Variants in BMPR1B observed in about 807,000 individuals in gnomAD.
BMPR1B encodes bone morphogenetic protein receptor type 1B, also known as bone morphogenetic protein receptor type-1B.
BMPR1B carries 12 observed loss-of-function variants against 59.1 expected under a neutral mutation model. The observed-to-expected ratio is 0.20, with a 90% CI of 0.13 to 0.33. The LOEUF (loss-of-function observed/expected upper bound fraction) is 0.33, where lower values mean the gene tolerates loss of function less well. BMPR1B is among the 10% of genes least tolerant of loss of function. The pLI is 1.00. For synonymous variants in BMPR1B, 237 were observed against 207.3 expected (o/e 1.14, Z -1.23); for missense variants, 550 against 610.9 (o/e 0.90, Z 1.05).
intron 1 of BMPR1B, among the ~76,000 whole-genome samples, chr4:94,835,974 T>G (rs1295453830): frequency 1.4e-5 from 2 of 143,080 alleles, no homozygotes; most frequent in African/African-American, 2.6e-5. Flanking sequence ...GTGATCTCAT[T>G]GTTCAATTCC....
intron 3 of BMPR1B, among the ~76,000 whole-genome samples, chr4:95,014,361 A>G (rs1190165784): frequency 6.6e-6 from 1 of 152,224 alleles, no homozygotes; most frequent in Admixed American, 6.5e-5. Flanking sequence ...AGACATTAAG[A>G]ATAATTAAGT....
chr4:95,016,648 T>C (rs562302477), intron 3 of BMPR1B, among the ~76,000 whole-genome samples: 1 of 152,296 alleles, frequency 6.6e-6, no homozygotes, highest in South Asian at 2.1e-4. Flanking sequence ...ATGGAAGGCT[T>C]TAACAAAGTA....
At chr4:94,924,106 A>G (rs1728799365) in intron 2 of BMPR1B, among the ~76,000 whole-genome samples, 1 of 152,100 alleles carries the variant, frequency 6.6e-6, no homozygotes, top group African/African-American at 2.4e-5. Flanking sequence ...TTTCCCTGCT[A>G]CTTGACACAT....
At chr4:94,850,715 G>A (rs893701046) in intron 1 of BMPR1B, among the ~76,000 whole-genome samples, 8 of 152,134 alleles carry the variant, frequency 5.3e-5, no homozygotes, top group African/African-American at 1.9e-4. Flanking sequence ...TACCGCTCTT[G>A]TCCAAGGCTG....
At chr4:94,768,986 A>G (rs1289959810) in intron 1 of BMPR1B, among the ~76,000 whole-genome samples, 1 of 152,124 alleles carries the variant, frequency 6.6e-6, no homozygotes, top group African/African-American at 2.4e-5. Flanking sequence ...GTTTTCATCA[A>G]CACCTTTCTA....
At chr4:94,955,091 C>T (rs1730091689) in intron 2 of BMPR1B, among the ~76,000 whole-genome samples, 1 of 152,122 alleles carries the variant, frequency 6.6e-6, no homozygotes, top group African/African-American at 2.4e-5. Context: ...ATTTCTATCT[C>T]TGTAGTTAAA....
At chr4:95,047,753 T>G (rs1274948742) in intron 3 of BMPR1B, among the ~76,000 whole-genome samples, 1 of 152,226 alleles carries the variant, frequency 6.6e-6, no homozygotes, top group Non-Finnish European at 1.5e-5. Context: ...ATTCTACCAT[T>G]GATTTACTTG....
At chr4:95,054,083 T>G (rs995410086) in intron 3 of BMPR1B, among the ~76,000 whole-genome samples, 14 of 152,202 alleles carry the variant, frequency 9.2e-5, no homozygotes, top group African/African-American at 3.4e-4. Flanking sequence ...ATATTTAAAA[T>G]AAATGTCTTT....
intron 6 of BMPR1B, among the ~76,000 whole-genome samples, chr4:95,117,239 CATTA>C (rs1267238455): frequency 1.3e-5 from 2 of 152,144 alleles, no homozygotes; most frequent in African/African-American, 4.8e-5. Context: ...CTAAAAAGTA[CATTA>C]ATTAATCCAT....
chr4:94,934,673 A>G (rs1729222154), intron 2 of BMPR1B, among the ~76,000 whole-genome samples: 2 of 152,190 alleles, frequency 1.3e-5, no homozygotes, highest in South Asian at 4.1e-4. Flanking sequence ...TCTGAGATCC[A>G]AAGTAGAGAA....
At chr4:94,773,461 A>G (rs535172486) in intron 1 of BMPR1B, among the ~76,000 whole-genome samples, 2 of 152,224 alleles carry the variant, frequency 1.3e-5, no homozygotes, top group South Asian at 4.1e-4. Context: ...ATAATTATAC[A>G]GAGTACCATT....
intron 2 of BMPR1B, among the ~76,000 whole-genome samples, chr4:94,931,478 T>C (rs929157828): frequency 2.0e-5 from 3 of 152,040 alleles, no homozygotes; most frequent in Non-Finnish European, 4.4e-5. Flanking sequence ...TCAGGGGTCA[T>C]AGGGAGCTTT....
chr4:95,025,314 AGTCAT>A (rs1724277451), intron 3 of BMPR1B, among the ~76,000 whole-genome samples: 1 of 152,100 alleles, frequency 6.6e-6, no homozygotes, highest in African/African-American at 2.4e-5. Context: ...TAGGCAGTGA[AGTCAT>A]GTGTGTTTTC....
chr4:94,774,135 A>T (rs1722283851), intron 1 of BMPR1B, among the ~76,000 whole-genome samples: 2 of 152,182 alleles, frequency 1.3e-5, no homozygotes, highest in South Asian at 4.1e-4. Flanking sequence ...CCAAATTTTT[A>T]ATCTCATCAT....
intron 1 of BMPR1B, among the ~76,000 whole-genome samples, chr4:94,830,911 C>G (rs1724560653): frequency 6.6e-6 from 1 of 152,166 alleles, no homozygotes. Context: ...TACAGTTTAT[C>G]ATAATTCTTG....
chr4:94,989,701 T>G (rs995801488), intron 2 of BMPR1B, among the ~76,000 whole-genome samples: 2 of 152,176 alleles, frequency 1.3e-5, no homozygotes, highest in Non-Finnish European at 2.9e-5. Flanking sequence ...TGAAACAATA[T>G]ACTAATAAAT....
chr4:95,005,348 G>A (rs1722745233), intron 3 of BMPR1B, among the ~76,000 whole-genome samples: 1 of 152,042 alleles, frequency 6.6e-6, no homozygotes, highest in African/African-American at 2.4e-5. Context: ...TGGTATTAGA[G>A]CATACCTGAG....
chr4:95,037,103 T>C (rs578225583), intron 3 of BMPR1B, among the ~76,000 whole-genome samples: 15 of 152,186 alleles, frequency 9.9e-5, no homozygotes, highest in Non-Finnish European at 1.8e-4. Context: ...CCTGTACTCA[T>C]GTCCTAGCTA....
chr4:94,792,674 C>T (rs553022812), intron 1 of BMPR1B, among the ~76,000 whole-genome samples: 25 of 152,220 alleles, frequency 1.6e-4, no homozygotes, highest in African/African-American at 4.3e-4. Context: ...GTTTTATTTG[C>T]TTTACTTGAC....
Sources: allele counts gnomAD v4.1 joint callset (sites outside exome capture counted in the v4.1 genomes callset), GRCh38; gene constraint gnomAD v4.1.1; transcripts MANE v1.5; gene names NCBI Gene and HGNC (gene_info 2026-07-23, HGNC 2026-07-21).